The following ACOT7 variants were observed in gnomAD, a reference collection of about 807,000 sequenced individuals.
ACOT7 encodes cytosolic acyl coenzyme A thioester hydrolase.
ACOT7 carries 12 observed loss-of-function variants against 40.2 expected under a neutral mutation model. That is an observed-to-expected ratio of 0.30 (90% CI 0.19 to 0.48). The LOEUF is 0.48. Among genes scored for constraint, ACOT7 ranks in the 20% least tolerant of loss-of-function variants. The probability of loss-of-function intolerance (pLI) is 0.99; values close to 1 mark genes in which losing one functional copy is unlikely to be tolerated. For synonymous variants in ACOT7, 228 were observed against 219.5 expected (o/e 1.04, Z -0.34); for missense variants, 395 against 530.8 (o/e 0.74, Z 2.51).
chr1:6,389,054 A>G (rs1414956445), intron 1 of ACOT7, among the ~76,000 whole-genome samples: 4 of 152,120 alleles, frequency 2.6e-5, no homozygotes, highest in Admixed American at 1.3e-4. Flanking sequence ...AAAAAAAAAA[A>G]AAAAAGACAA....
rs137900338 is a variant in ACOT7, at chr1:6,317,875, G to A, written c.712+617C>T. On this transcript the variant is annotated intron_variant, in intron 6 of 8. Transcript: ENST00000361521. ...GCCTCCCGAGTAGCTGGGACTACAG[G>A]CGCCTGCCACCACACCTGGCTAATT... Among the ~76,000 whole-genome samples the A allele has an allele frequency of 8.9e-3, 1,352 of 151,738 alleles. 14 individuals are homozygous for A. Among genetic ancestry groups the A allele is most frequent in the Middle Eastern group, 0.041 (12 of 294 alleles).
At chr1:6,375,212 A>G (rs1201044591) in intron 1 of ACOT7, among the ~76,000 whole-genome samples, 4 of 150,882 alleles carry the variant, frequency 2.7e-5, no homozygotes, top group Admixed American at 6.6e-5. Context: ...GCAGTGAGCC[A>G]AGATCGCGCC....
chr1:6,364,021 A>G (rs1292658034), intron 1 of ACOT7, among the ~76,000 whole-genome samples: 1 of 152,008 alleles, frequency 6.6e-6, no homozygotes, highest in East Asian at 1.9e-4. Flanking sequence ...GCAGTGGGCC[A>G]AGATTGAATT....
chr1:6,333,489 C>T lies in ACOT7; in HGVS notation c.498G>A (p.Val166=). 1 of 1,614,210 alleles carries T rather than the reference C, an allele frequency of 6.2e-7. No individual in the cohort carries two copies. The highest frequency in any genetic ancestry group is 8.5e-7 in the Non-Finnish European group (1 of 1,180,026). ...SLKNVDKVLE[V]PPVVYSRQEQ... The stretch of plus-strand genomic sequence containing the variant: ...AAGGGCACCTTACCACAACAGGAGG[C>T]ACCTCGAGGACCTTGTCCACATTCT... The change falls in exon 4 of 9, where the codon GTG becomes GTA. Residue 166 remains valine (V), a synonymous_variant. Transcript: ENST00000361521.
chr1:6,274,097 C>T lies in ACOT7; in HGVS notation c.1014+7005G>A, dbSNP rs985765082. 1.6e-4 allele frequency among the ~76,000 whole-genome samples: 24 copies of T among 152,156 alleles called. No homozygotes were observed. The highest frequency in any genetic ancestry group is 5.3e-4 in the African/African-American group (22 of 41,436). On this transcript the variant is annotated intron_variant, in intron 8 of 8. Coordinates refer to ENST00000361521, the MANE Select transcript of ACOT7 (RefSeq NM_007274.4). This position sits in a 1 kb window ranked among gnomAD's most constrained non-coding sequence, Gnocchi z 5.9. ...GAGGACCCCAGGCCCCTCTGCACAC[C>T]GTGCCTGGGGGTCAGGCAGGTCCTG...
intron 7 of ACOT7, among the ~76,000 whole-genome samples, chr1:6,287,671 C>T (rs774761100): frequency 6.6e-6 from 1 of 152,108 alleles, no homozygotes; most frequent in Non-Finnish European, 1.5e-5. Context: ...AGCAGACGGG[C>T]GTCTCTCCAG....
At chr1:6,326,329 T>A (rs1268031170) in intron 5 of ACOT7, among the ~76,000 whole-genome samples, 1 of 152,186 alleles carries the variant, frequency 6.6e-6, no homozygotes, top group East Asian at 1.9e-4. Context: ...CTGAATTGTT[T>A]CTAGGAACGC....
chr1:6,308,056 A>G (rs1640212861), intron 6 of ACOT7, among the ~76,000 whole-genome samples: 1 of 151,456 alleles, frequency 6.6e-6, no homozygotes, highest in Non-Finnish European at 1.5e-5. Flanking sequence ...CAGAAGGAAC[A>G]GCCACAGGCA....
In ACOT7 at chr1:6,384,195, GAA is replaced by G. The variant is rs746671666; in HGVS notation, c.143+9060_143+9061del. Among the ~76,000 whole-genome samples the G allele has an allele frequency of 1.4e-4, 22 of 151,756 alleles. 1 individual carries two copies. The highest frequency in any genetic ancestry group is 3.1e-4 in the Non-Finnish European group (21 of 67,866). On this transcript the variant is annotated intron_variant, in intron 1 of 8. Coordinates refer to ENST00000361521, the MANE Select transcript of ACOT7 (RefSeq NM_007274.4). The stretch of plus-strand genomic sequence containing the variant: ...CAATTACACCAATTGGAAAATACAG[GAA>G]AGACCTGACTAGACAGCTCTCTAAA...
chr1:6,391,226 C>T (rs142928059), intron 1 of ACOT7, among the ~76,000 whole-genome samples: 119 of 150,562 alleles, frequency 7.9e-4, no homozygotes, highest in Non-Finnish European at 1.4e-3. Context: ...CAGCTGGGTG[C>T]GGTGGTTCAC....
rs909644584 is a variant in ACOT7 at position 6,274,500 on chromosome 1, G to A, written c.1014+6602C>T. 4.6e-5 allele frequency among the ~76,000 whole-genome samples: 7 copies of A among 152,206 alleles called. No homozygotes were observed. Among genetic ancestry groups the A allele is most frequent in the Non-Finnish European group, 8.8e-5 (6 of 68,042 alleles). On this transcript the variant is annotated intron_variant, in intron 8 of 8. Coordinates refer to ENST00000361521, the MANE Select transcript of ACOT7 (RefSeq NM_007274.4). This position sits in a 1 kb window ranked among gnomAD's most constrained non-coding sequence, Gnocchi z 5.9. ...ATGCCACGCTGTCCTCTCGGCTGGC[G>A]CGGGGCTTACCCGGCCCCTGCACTC...
intron 2 of ACOT7, among the ~76,000 whole-genome samples, chr1:6,347,622 C>A (rs915689693): frequency 1.3e-5 from 2 of 152,062 alleles, no homozygotes; most frequent in Non-Finnish European, 2.9e-5. Flanking sequence ...AAAAAATTAG[C>A]CAGGTGTGGT....
rs1408528454 is a variant in ACOT7, at chr1:6,299,113, C to A, written c.713-4133G>T. ...GGGAGTGAGTCCCCATCACCTCCGC[C>A]ACTGCCGGCTGGGTGACCTTGGGCA... On this transcript the variant is annotated intron_variant, in intron 6 of 8. Transcript: ENST00000361521. This position sits in a 1 kb window ranked among gnomAD's most constrained non-coding sequence, Gnocchi z 4.1. Among the ~76,000 whole-genome samples the A allele has an allele frequency of 2.0e-5, 3 of 152,248 alleles. No individual in the cohort carries two copies. Among genetic ancestry groups the A allele is most frequent in the East Asian group, 1.9e-4 (1 of 5,190 alleles).
chr1:6,367,430 C>T lies in ACOT7; in HGVS notation c.144-17564G>A, dbSNP rs548803687. On this transcript the variant is annotated intron_variant, in intron 1 of 8. Transcript: ENST00000361521. ...CTTGGCTCATGCTACCAGCCTGGAG[C>T]TCCCATGCCTGCCAAGGACAAGCCT... Among the ~76,000 whole-genome samples, 6 of 152,304 alleles carry T rather than the reference C, an allele frequency of 3.9e-5. No homozygotes were observed. The East Asian group carries it at 1.2e-3, about 29-fold the overall frequency.
intron 8 of ACOT7, among the ~76,000 whole-genome samples, chr1:6,277,376 C>T (rs1249934148): frequency 6.6e-6 from 1 of 152,226 alleles, no homozygotes; most frequent in Non-Finnish European, 1.5e-5. Context: ...AGGATGCCCC[C>T]CACTATCAGC....
rs1639134632 is a variant in ACOT7 at position 6,274,542 on chromosome 1, T to C, written c.1014+6560A>G. ...CCTGCACTCATGCAGGTGAACCAGC[T>C]GAGGCCAGGAGAAGGAGGTCATAGG... On this transcript the variant is annotated intron_variant, in intron 8 of 8. Transcript: ENST00000361521. This position sits in a 1 kb window ranked among gnomAD's most constrained non-coding sequence, Gnocchi z 5.9. 6.6e-6 allele frequency among the ~76,000 whole-genome samples: 1 copy of C among 152,160 alleles called. No homozygotes were observed. The highest frequency in any genetic ancestry group is 2.1e-4 in the South Asian group (1 of 4,822).
Position 6,272,873 on chromosome 1 carries a change from CT to C in ACOT7, c.1015-8179del, listed in dbSNP as rs1474988270. 1.3e-5 allele frequency among the ~76,000 whole-genome samples: 2 copies of C among 152,240 alleles called. 1 individual carries two copies. The highest frequency in any genetic ancestry group is 2.9e-5 in the Non-Finnish European group (2 of 68,046). ...ATGCTCCCTCGGTTCACTGAATCCT[CT>C]GGAAATCCCACCCACGGGCCTCTCC... On this transcript the variant is annotated intron_variant, in intron 8 of 8. Transcript: ENST00000361521.
chr1:6,318,050 A>T (rs1206823685), intron 6 of ACOT7, among the ~76,000 whole-genome samples: 1 of 149,138 alleles, frequency 6.7e-6, no homozygotes, highest in Non-Finnish European at 1.5e-5. Flanking sequence ...TATTTCTGTG[A>T]TTTATTGTTC....
intron 6 of ACOT7, among the ~76,000 whole-genome samples, chr1:6,317,720 G>C (rs1355218555): frequency 6.7e-6 from 1 of 149,836 alleles, no homozygotes; most frequent in Non-Finnish European, 1.5e-5. Flanking sequence ...ATGGGTGCCA[G>C]AGTCTTTCTT....
Sources: allele counts gnomAD v4.1 joint callset (sites outside exome capture counted in the v4.1 genomes callset), GRCh38; gene constraint gnomAD v4.1.1; non-coding constraint Gnocchi (gnomAD v3.1); transcripts MANE v1.5; gene names NCBI Gene and HGNC (gene_info 2026-07-23, HGNC 2026-07-21).